ARSB: variants seen among roughly 807,000 people sequenced by gnomAD.
ARSB encodes the protein N-acetylgalactosamine-4-sulfatase.
ARSB carries 41 observed loss-of-function variants against 50.9 expected under a neutral mutation model. That is an observed-to-expected ratio of 0.81 (90% CI 0.63 to 1.04). The LOEUF is 1.04. ARSB is among the 50% of genes least tolerant of loss of function. The pLI, the probability that ARSB is intolerant of heterozygous loss-of-function variation, is 0.00. For synonymous variants in ARSB, 269 were observed against 284.8 expected, an observed-to-expected ratio of 0.94 and a Z score of 0.56; for missense variants, 672 against 693.3, an observed-to-expected ratio of 0.97 and a Z score of 0.35.
chr5:78,842,890 A>C (rs3114500), intron 5 of ARSB, among the ~76,000 whole-genome samples: 93,907 of 151,366 alleles, frequency 0.62, 29,451 homozygotes, highest in Middle Eastern at 0.67. Flanking sequence ...ATGCATGTTC[A>C]TCTATCCTTC....
At chr5:78,964,724 C>A in intron 2 of ARSB, 118 bp from the exon 3 acceptor site, 1 of 929,206 alleles carries the variant, frequency 1.1e-6, no homozygotes. Context: ...AATCAAATGA[C>A]AAGGCTAATC....
intron 4 of ARSB, among the ~76,000 whole-genome samples, chr5:78,912,568 T>C (rs1749354759): frequency 6.6e-6 from 1 of 152,192 alleles, no homozygotes; most frequent in African/African-American, 2.4e-5. Flanking sequence ...GAAAAGCAAA[T>C]AAACATATTT....
chr5:78,884,847 A>G (rs954544471), intron 5 of ARSB: 1 of 152,252 alleles, frequency 6.6e-6, no homozygotes, highest in African/African-American at 2.4e-5. Flanking sequence ...TGTGCCTCCC[A>G]ACCTTGGGGG....
rs1745096858 is a variant in ARSB at position 78,839,442 on chromosome 5, T to G, written c.1143-16A>C. 1.9e-6 allele frequency: 3 copies of G among 1,606,510 alleles called. No homozygotes were observed. On this transcript the variant is annotated splice_polypyrimidine_tract_variant and intron_variant, in intron 5 of 7. Transcript: ENST00000264914. ...GCTTCCTTCACTGGAAAACAATTTT[T>G]AAGGGAATGTTAATTTCCTCTCTCT...
chr5:78,927,477 A>C (rs1664676141), intron 4 of ARSB, among the ~76,000 whole-genome samples: 1 of 152,194 alleles, frequency 6.6e-6, no homozygotes, highest in African/African-American at 2.4e-5. Flanking sequence ...CATTTTCTTA[A>C]TTCCTTTAAT....
intron 4 of ARSB, among the ~76,000 whole-genome samples, chr5:78,890,061 A>G (rs570878705): frequency 6.6e-6 from 1 of 152,240 alleles, no homozygotes; most frequent in South Asian, 2.1e-4. Flanking sequence ...TGTCCCAGAA[A>G]AGTATCTGCT....
chr5:78,845,999 A>G (rs547300192), intron 5 of ARSB, among the ~76,000 whole-genome samples: 1 of 152,152 alleles, frequency 6.6e-6, no homozygotes, highest in South Asian at 2.1e-4. Flanking sequence ...TTCTTTCAGG[A>G]GTTTCATAGC....
chr5:78,843,148 G>T (rs1007212649), intron 5 of ARSB, among the ~76,000 whole-genome samples: 3 of 152,182 alleles, frequency 2.0e-5, no homozygotes, highest in African/African-American at 7.2e-5. Flanking sequence ...CTCCTAAGCA[G>T]TGCTTCCCAA....
rs181782633 is a variant in ARSB at position 78,907,283 on chromosome 5, C to T, written c.899-21456G>A. 1.8e-3 allele frequency among the ~76,000 whole-genome samples: 276 copies of T among 152,248 alleles called. 3 individuals are homozygous for T. Among genetic ancestry groups the T allele is most frequent in the Middle Eastern group, 0.017 (5 of 294 alleles). ...TTTTATTACACAGTGAGTTTGTTTT[C>T]CCAAAAGGAAAGAAAGAGACTGTTT... On this transcript the variant is annotated intron_variant, in intron 4 of 7. Transcript: ENST00000264914.
At chr5:78,805,925 C>T (rs1743542733) in intron 6 of ARSB, among the ~76,000 whole-genome samples, 1 of 152,218 alleles carries the variant, frequency 6.6e-6, no homozygotes, top group African/African-American at 2.4e-5. Flanking sequence ...TGAGCTTGGG[C>T]TCCCAGAGTC....
At chr5:78,912,641 A>G (rs1457392629) in intron 4 of ARSB, among the ~76,000 whole-genome samples, 2 of 152,230 alleles carry the variant, frequency 1.3e-5, no homozygotes, top group African/African-American at 2.4e-5. Flanking sequence ...ACTGATCCCA[A>G]TCACTGCAAC....
chr5:78,870,708 A>T, intron 5 of ARSB, among the ~76,000 whole-genome samples: 3 of 150,140 alleles, frequency 2.0e-5, no homozygotes, highest in African/African-American at 7.3e-5. Context: ...AGCCAATATC[A>T]TACTGAATGG....
chr5:78,907,921 T>C (rs1165855611), intron 4 of ARSB, among the ~76,000 whole-genome samples: 1 of 152,124 alleles, frequency 6.6e-6, no homozygotes, highest in African/African-American at 2.4e-5. Context: ...GCCCATCAGT[T>C]ACCATACACT....
intron 6 of ARSB, among the ~76,000 whole-genome samples, chr5:78,808,428 T>C (rs894510135): frequency 6.6e-6 from 1 of 152,210 alleles, no homozygotes; most frequent in South Asian, 2.1e-4. Context: ...AATTCCCTAA[T>C]AGCCTCCCAT....
intron 4 of ARSB, among the ~76,000 whole-genome samples, chr5:78,920,731 T>C (rs1323700102): frequency 6.6e-6 from 1 of 152,148 alleles, no homozygotes; most frequent in Middle Eastern, 3.2e-3. Flanking sequence ...TCCTCTGTGC[T>C]TCAGCTCCTC....
At chr5:78,793,611 G>A (rs566227914) in intron 6 of ARSB, among the ~76,000 whole-genome samples, 1 of 152,278 alleles carries the variant, frequency 6.6e-6, no homozygotes, top group South Asian at 2.1e-4. Flanking sequence ...GAAGTGTCTT[G>A]ATCCTGTGGC....
At chr5:78,875,307 T>C (rs936425296) in intron 5 of ARSB, among the ~76,000 whole-genome samples, 4 of 152,290 alleles carry the variant, frequency 2.6e-5, no homozygotes, top group African/African-American at 7.2e-5. Flanking sequence ...CCCCATAGAA[T>C]ACATTCTTTC....
intron 3 of ARSB, 35 bp downstream of exon 3, chr5:78,964,381 A>G (rs764546289): frequency 3.1e-6 from 5 of 1,592,778 alleles, no homozygotes; most frequent in Admixed American, 3.3e-5. Context: ...TAGTGTAACA[A>G]GATTTTGCTA....
chr5:78,867,549 C>G (rs1234783937), intron 5 of ARSB, among the ~76,000 whole-genome samples: 1 of 152,026 alleles, frequency 6.6e-6, no homozygotes, highest in Non-Finnish European at 1.5e-5. Flanking sequence ...CACCCCCCAG[C>G]AGGGGCACAC....
Sources: allele counts gnomAD v4.1 joint callset (sites outside exome capture counted in the v4.1 genomes callset), GRCh38; gene constraint gnomAD v4.1.1; transcripts MANE v1.5; gene names NCBI Gene and HGNC (gene_info 2026-07-23, HGNC 2026-07-21).